CPEB2: variants seen among roughly 807,000 people sequenced by gnomAD.
CPEB2 encodes cytoplasmic polyadenylation element-binding protein 2.
Under a neutral mutation model 93.6 loss-of-function variants are expected in CPEB2, and 56 were observed. That is an observed-to-expected ratio of 0.60 (90% CI 0.48 to 0.75). The LOEUF (loss-of-function observed/expected upper bound fraction) is 0.75. CPEB2 is among the 30% of genes least tolerant of loss of function. The probability of loss-of-function intolerance (pLI) is 0.00; values close to 1 mark genes in which losing one functional copy is unlikely to be tolerated. For synonymous variants in CPEB2, 764 were observed against 586.3 expected (o/e 1.30, Z -4.38); for missense variants, 1,579 against 1,395.1 (o/e 1.13, Z -2.10).
chr4:15,050,470 C>T (rs1430331601), intron 6 of CPEB2, among the ~76,000 whole-genome samples: 2 of 152,136 alleles, frequency 1.3e-5, no homozygotes, highest in Non-Finnish European at 2.9e-5. Flanking sequence ...AGAAAAACAA[C>T]TTGTCCATAT....
In CPEB2 at chr4:15,067,413, A is replaced by G. The variant is rs773345758; in HGVS notation, c.*1033A>G. 6.6e-6 allele frequency: 1 copy of G among 152,472 alleles called. No individual in the cohort carries two copies. The highest frequency in any genetic ancestry group is 1.5e-5 in the Non-Finnish European group (1 of 67,966). 9.4% of individuals were successfully genotyped at this position (152,472 alleles called of 1,614,324 possible). ...ATGTAATATTTGTAATCCCTGTGCA[A>G]TTTTGTGACGTGCGGTTCTAATTCA... On this transcript the variant is annotated 3_prime_UTR_variant, in exon 12 of 12. Coordinates refer to ENST00000538197, the MANE Select transcript of CPEB2 (RefSeq NM_001177382.2).
chr4:15,035,959 T>C (rs749180044), intron 5 of CPEB2, among the ~76,000 whole-genome samples: 13 of 152,214 alleles, frequency 8.5e-5, no homozygotes, highest in East Asian at 1.9e-4. Context: ...TGGGCCGATA[T>C]GGCAAATATA....
intron 3 of CPEB2, among the ~76,000 whole-genome samples, chr4:15,012,297 A>G (rs769799147): frequency 1.3e-5 from 2 of 152,138 alleles, no homozygotes; most frequent in African/African-American, 4.8e-5. Flanking sequence ...CCACTTGTCT[A>G]TTTTAATTCT....
intron 11 of CPEB2, among the ~76,000 whole-genome samples, chr4:15,062,631 A>G (rs566355146): frequency 1.3e-5 from 2 of 152,192 alleles, no homozygotes; most frequent in Admixed American, 6.6e-5. Context: ...CCTCACTTGT[A>G]AAATAGAAAA....
chr4:15,008,619 A>T (rs556605631), intron 3 of CPEB2, among the ~76,000 whole-genome samples, 192 bp downstream of exon 3: 3 of 152,190 alleles, frequency 2.0e-5, no homozygotes, highest in Non-Finnish European at 4.4e-5. Context: ...TTCAAATTTA[A>T]GAGTAATCCT....
In CPEB2 at chr4:15,068,979, G is replaced by T. The variant is rs1018935838; in HGVS notation, c.*2599G>T. On this transcript the variant is annotated 3_prime_UTR_variant, in exon 12 of 12. Coordinates refer to ENST00000538197, the MANE Select transcript of CPEB2 (RefSeq NM_001177382.2). ...CTAACTTTTAAACACTGTATTGGAG[G>T]TTTTTTTTTAATTTACAGATCATAT... The T allele has an allele frequency of 8.0e-5, 12 of 149,618 alleles. No individual in the cohort carries two copies. The highest frequency in any genetic ancestry group is 1.8e-4 in the Non-Finnish European group (12 of 67,050). 9.3% of individuals were successfully genotyped at this position (149,618 alleles called of 1,614,324 possible). A position where few individuals can be genotyped will look rare whatever the true frequency, so the allele number is the denominator to read the frequency against.
chr4:15,066,469 G>T lies in CPEB2; in HGVS notation c.*89G>T, dbSNP rs1050365168. 9 of 936,370 alleles carry T rather than the reference G, an allele frequency of 9.6e-6. No homozygotes were observed. Among genetic ancestry groups the T allele is most frequent in the Non-Finnish European group, 1.5e-5 (9 of 602,566 alleles). The allele number at this position is 936,370 out of a possible 1,614,324, so 58.0% of individuals were successfully genotyped here. On this transcript the variant is annotated 3_prime_UTR_variant, in exon 12 of 12. Transcript: ENST00000538197. Reference sequence around the variant, plus strand: ...AGATACTGACATGCAGAAGAAATAAGTGCATTCTTCTGCTTTTCACCCCAG... The same window carrying T: ...AGATACTGACATGCAGAAGAAATAATTGCATTCTTCTGCTTTTCACCCCAG...
chr4:15,009,103 G>A (rs1328301534), intron 3 of CPEB2, among the ~76,000 whole-genome samples: 1 of 152,116 alleles, frequency 6.6e-6, no homozygotes, highest in East Asian at 1.9e-4. Flanking sequence ...GGTACCAGGT[G>A]GTGAGGATTA....
At chr4:15,017,501 A>G (rs1188894590) in intron 4 of CPEB2, 2 of 340,018 alleles carry the variant, frequency 5.9e-6, no homozygotes, top group African/African-American at 4.3e-5. Flanking sequence ...AAAATTTACT[A>G]TTTAGAGACA....
In CPEB2 at chr4:15,003,629, A is replaced by T. The variant is rs1442517917; in HGVS notation, c.956A>T (p.His319Leu). ...PAPGSMESPN[H>L]PLLNSPSNLL... ...CCGGGCTCCATGGAGTCCCCCAACC[A>T]CCCTCTGCTCAACAGTCCCAGTAAC... Residue 319 changes from histidine to leucine, a missense_variant, in exon 1 of 12, where the codon CAC becomes CTC. Coordinates refer to ENST00000538197, the MANE Select transcript of CPEB2 (RefSeq NM_001177382.2). 1.3e-5 allele frequency: 19 copies of T among 1,479,802 alleles called. No homozygotes were observed. The Admixed American group carries it at 4.1e-4, about 32-fold the overall frequency. 91.7% of individuals were successfully genotyped at this position (1,479,802 alleles called of 1,614,324 possible).
intron 3 of CPEB2, among the ~76,000 whole-genome samples, chr4:15,014,201 C>G (rs1370286133): frequency 2.0e-5 from 3 of 152,004 alleles, no homozygotes; most frequent in African/African-American, 7.2e-5. Context: ...TTAATAGTTA[C>G]CATTAATTAA....
intron 10 of CPEB2, among the ~76,000 whole-genome samples, chr4:15,061,840 T>C (rs1729213476): frequency 6.8e-6 from 1 of 147,006 alleles, no homozygotes; most frequent in Admixed American, 6.9e-5. Context: ...GGACAGAAGA[T>C]AGAGTATATA....
In CPEB2 at chr4:15,002,900, C is replaced by T. The variant is rs1041074150; in HGVS notation, c.227C>T (p.Pro76Leu). 1 of 1,510,498 alleles carries T rather than the reference C, an allele frequency of 6.6e-7. No homozygotes were observed. Among genetic ancestry groups the T allele is most frequent in the South Asian group, 1.2e-5 (1 of 80,914 alleles). The allele number at this position is 1,510,498 out of a possible 1,614,324, so 93.6% of individuals were successfully genotyped here. Reference protein sequence around the residue: ...SVPLGGGAGSPAAAASSSSPF... With the variant: ...SVPLGGGAGSLAAAASSSSPF... ...CCCCTCGGCGGCGGCGCGGGCAGCC[C>T]GGCCGCCGCCGCTTCCTCTTCCTCC... is the stretch of plus-strand genomic sequence containing the variant. The change falls in exon 1 of 12, where the codon CCG becomes CTG. Residue 76 changes from proline (P) to leucine (L), a missense_variant. Pro to Leu is a moderately conservative substitution (Grantham distance 98). This residue lies in a region of CPEB2 where 1,411 missense variants were observed against 1,056.0 expected (regional missense o/e 1.34). Transcript: ENST00000538197.
intron 8 of CPEB2, among the ~76,000 whole-genome samples, chr4:15,057,037 A>G (rs901207410): frequency 6.6e-6 from 1 of 152,112 alleles, no homozygotes; most frequent in African/African-American, 2.4e-5. Flanking sequence ...GGCCAACATT[A>G]AAATATTGAA....
In CPEB2 at chr4:15,018,763, C is replaced by CT. The variant is rs777435213; in HGVS notation, c.2125+1498dup. ...GTTTTTCATTGTTGTTTCTCCCAGT[C>CT]TTTTTTTTTTTTTCAAAAGGCTTTT... On this transcript the variant is annotated intron_variant, in intron 4 of 11. Transcript: ENST00000538197. Among the ~76,000 whole-genome samples, 1,026 of 133,704 alleles carry CT rather than the reference C, an allele frequency of 7.7e-3. 5 individuals are homozygous for CT. The highest frequency in any genetic ancestry group is 0.024 in the African/African-American group (892 of 36,896). 87.7% of individuals were successfully genotyped at this position (133,704 alleles called of 152,430 possible). A position where few individuals can be genotyped will look rare whatever the true frequency, so the allele number is the denominator to read the frequency against.
In CPEB2 at chr4:15,003,893, C is replaced by CGCCACCCCAGCA. The variant is rs1472954672; in HGVS notation, c.1224_1235dup (p.Gln411_Gln414dup). The CGCCACCCCAGCA allele has an allele frequency of 4.5e-6, 4 of 884,008 alleles. No individual in the cohort carries two copies. The highest frequency in any genetic ancestry group is 4.3e-5 in the Admixed American group (1 of 23,142). 54.8% of individuals were successfully genotyped at this position (884,008 alleles called of 1,614,324 possible). On this transcript the variant is annotated inframe_insertion, in exon 1 of 12. Transcript: ENST00000538197. ...CCGACCCAGCCGCAGCAGCAGCCGC[C>CGCCACCCCAGCA]GCCACCCCAGCAGCCGCCCCAGCCG...
Position 15,068,197 on chromosome 4 carries a change from G to C in CPEB2, c.*1817G>C, listed in dbSNP as rs1729840129. On this transcript the variant is annotated 3_prime_UTR_variant, in exon 12 of 12. Coordinates refer to ENST00000538197, the MANE Select transcript of CPEB2 (RefSeq NM_001177382.2). ...CAATCCTTCATGTGAGCAAAGTGTT[G>C]ATCTTAATATTGGTTGTCTGTGGTG... is the stretch of plus-strand genomic sequence containing the variant. 6.6e-6 allele frequency: 1 copy of C among 152,262 alleles called. No individual in the cohort carries two copies. Among genetic ancestry groups the C allele is most frequent in the Non-Finnish European group, 1.5e-5 (1 of 67,858 alleles). 9.4% of individuals were successfully genotyped at this position (152,262 alleles called of 1,614,324 possible).
At position 15,002,761 on chromosome 4, in the gene CPEB2, C is replaced by T; in HGVS notation, c.88C>T (p.Pro30Ser). The change falls in exon 1 of 12, where the codon CCT becomes TCT. Residue 30 changes from proline to serine, a missense_variant. Around this residue, in one of 2 missense-constraint regions of CPEB2, gnomAD observed 1,411 missense variants for 1,056.0 expected, o/e 1.34. Coordinates refer to ENST00000538197, the MANE Select transcript of CPEB2 (RefSeq NM_001177382.2). The stretch of plus-strand genomic sequence containing the variant: ...CCTGTTCTGCGGCGAGGCGTATGGT[C>T]CTTACGCCGTGGGGTCCGTCAACCC... ...GPLFCGEAYG[P>S]YAVGSVNPLP... 2 of 1,535,592 alleles carry T rather than the reference C, an allele frequency of 1.3e-6. No homozygotes were observed. The highest frequency in any genetic ancestry group is 2.0e-5 in the Admixed American group (1 of 50,990).
chr4:15,042,068 A>G (rs1023430350), intron 6 of CPEB2, among the ~76,000 whole-genome samples: 7 of 152,264 alleles, frequency 4.6e-5, no homozygotes, highest in South Asian at 2.1e-4. Flanking sequence ...TCACTATGCA[A>G]TTTTAGTAAT....
Sources: gnomAD v4.1 joint callset for allele counts (sites outside exome capture counted in the v4.1 genomes callset) on GRCh38, gnomAD v4.1.1 for gene constraint, gnomAD v4.1.1 regional missense constraint, MANE v1.5 for transcripts, NCBI Gene and HGNC (gene_info 2026-07-23, HGNC 2026-07-21) for gene names.